COL5A3: variants seen among roughly 807,000 people sequenced by gnomAD.
COL5A3 encodes the protein collagen alpha-3(V) chain.
COL5A3 carries 172 observed loss-of-function variants against 250.0 expected under a neutral mutation model. The observed-to-expected ratio is 0.69, with a 90% CI of 0.61 to 0.78. COL5A3 has a LOEUF of 0.78. COL5A3 is among the 30% of genes least tolerant of loss of function. The pLI is 0.00. For missense variants in COL5A3, 2,340 were observed against 2,334.4 expected, an observed-to-expected ratio of 1.00 and a Z score of -0.05; for synonymous variants, 937 against 900.4, an observed-to-expected ratio of 1.04 and a Z score of -0.73.
chr19:9,979,020 G>A (rs748767772), intron 39 of COL5A3, 40 bp from the exon 40 acceptor site: 13 of 1,503,390 alleles, frequency 8.6e-6, no homozygotes, highest in Non-Finnish European at 9.8e-6. Flanking sequence ...CTCCAGGGAG[G>A]GGATGTCTCC....
At chr19:9,962,141 C>G (rs917737796) in intron 65 of COL5A3, among the ~76,000 whole-genome samples, 1 of 151,152 alleles carries the variant, frequency 6.6e-6, no homozygotes. Context: ...GAATCTCGCT[C>G]TGTTGCCCAG....
intron 1 of COL5A3, among the ~76,000 whole-genome samples, chr19:10,008,299 G>T (rs2087471117): frequency 6.6e-6 from 1 of 152,296 alleles, no homozygotes; most frequent in Admixed American, 6.5e-5. Context: ...GTCCTTCCCG[G>T]CATCCAACTC....
chr19:9,985,031 C>A (rs1234411141), intron 31 of COL5A3, among the ~76,000 whole-genome samples: 2 of 148,072 alleles, frequency 1.4e-5, no homozygotes, highest in Non-Finnish European at 3.0e-5. Flanking sequence ...TCACTGCAAC[C>A]TCTGCCTCCT....
In COL5A3 at chr19:9,959,874, C is replaced by A; in HGVS notation, c.*537G>T. Reference sequence around the variant, plus strand: ...AGCTGGGCTGAGGCAGGAAAAGAAACACAACCCAGTCAAGGGAAGTCCCTC... The same window carrying A: ...AGCTGGGCTGAGGCAGGAAAAGAAAAACAACCCAGTCAAGGGAAGTCCCTC... On this transcript the variant is annotated 3_prime_UTR_variant, in exon 67 of 67. Transcript: ENST00000264828. 1 of 154,594 alleles carries A rather than the reference C, an allele frequency of 6.5e-6. No individual in the cohort carries two copies. The highest frequency in any genetic ancestry group is 1.4e-5 in the Non-Finnish European group (1 of 69,352). 9.6% of individuals were successfully genotyped at this position (154,594 alleles called of 1,614,324 possible). A position where few individuals can be genotyped will look rare whatever the true frequency, so the allele number is the denominator to read the frequency against.
intron 65 of COL5A3, 56 bp from the exon 66 acceptor site, chr19:9,960,946 G>T: frequency 1.3e-6 from 2 of 1,586,288 alleles, no homozygotes; most frequent in Non-Finnish European, 1.7e-6. Context: ...TCTTTCTGCA[G>T]AAGCCACCCC....
Position 10,001,519 on chromosome 19 carries a change from C to T in COL5A3, c.1110+5G>A. The T allele has an allele frequency of 6.2e-7, 1 of 1,613,622 alleles. No homozygotes were observed. On this transcript the variant is annotated splice_donor_5th_base_variant and intron_variant, in intron 8 of 66. Coordinates refer to ENST00000264828, the MANE Select transcript of COL5A3 (RefSeq NM_015719.4). Reference sequence around the variant, plus strand: ...GCACCTAACCCCAGCCACCTAGAAACTCACAGGAAAGATCTGGAACTGAGT... The same window carrying T: ...GCACCTAACCCCAGCCACCTAGAAATTCACAGGAAAGATCTGGAACTGAGT...
At chr19:9,995,925 T>A in intron 15 of COL5A3, 141 bp downstream of exon 15, 2 of 890,510 alleles carry the variant, frequency 2.2e-6, no homozygotes, top group Non-Finnish European at 3.4e-6. Context: ...ATTCCAGATG[T>A]GAGCCACCAT....
chr19:10,007,228 C>A (rs2087456564), intron 1 of COL5A3, among the ~76,000 whole-genome samples: 1 of 151,854 alleles, frequency 6.6e-6, no homozygotes, highest in Non-Finnish European at 1.5e-5. Flanking sequence ...CCCTTCTGAT[C>A]AACTCCCTCT....
intron 28 of COL5A3, 31 bp from the exon 29 acceptor site, chr19:9,986,637 G>C (rs1352147472): frequency 6.2e-7 from 1 of 1,613,604 alleles, no homozygotes; most frequent in African/African-American, 1.3e-5. Flanking sequence ...CCAGAAGTGA[G>C]GGCCTCGGGG....
intron 24 of COL5A3, among the ~76,000 whole-genome samples, chr19:9,991,124 C>A (rs1384837195): frequency 6.6e-6 from 1 of 152,144 alleles, no homozygotes; most frequent in African/African-American, 2.4e-5. Context: ...CGCTGATAGT[C>A]CCAGCTACTC....
Position 9,968,076 on chromosome 19 carries a change from G to C in COL5A3, c.4318C>G (p.Pro1440Ala). ...GPPGPKGDPG[P>A]PGPIGSLGHP... is the part of the protein sequence containing the mutation. ...CCCAGAGAGCCAATGGGACCAGGGGGACCCTAGGAAAAGGACATCGGGTCA... is the reference window on the plus strand; with the variant it reads ...CCCAGAGAGCCAATGGGACCAGGGGCACCCTAGGAAAAGGACATCGGGTCA... The change falls in exon 60 of 67, where the codon CCC becomes GCC. Residue 1440 changes from proline (P) to alanine (A), a missense_variant. Pro to Ala is a conservative substitution (Grantham distance 27). Around this residue, in one of 3 missense-constraint regions of COL5A3, gnomAD observed 1,179 missense variants for 1,162.6 expected, o/e 1.01. Coordinates refer to ENST00000264828, the MANE Select transcript of COL5A3 (RefSeq NM_015719.4). The surrounding 1 kb of genome is among the most constrained non-coding windows in gnomAD (Gnocchi z 4.1). 1 of 1,588,064 alleles carries C rather than the reference G, an allele frequency of 6.3e-7. No individual in the cohort carries two copies. The highest frequency in any genetic ancestry group is 8.5e-7 in the Non-Finnish European group (1 of 1,173,344).
Position 9,996,896 on chromosome 19 carries a change from G to C in COL5A3, c.1264-207C>G, listed in dbSNP as rs8104251. On this transcript the variant is annotated intron_variant, in intron 11 of 66. Coordinates refer to ENST00000264828, the MANE Select transcript of COL5A3 (RefSeq NM_015719.4). ...AAGACAGAGATGGAACAGAGACAAA[G>C]AGAAGGGGAGAGAGGGATGGAGAAG... The C allele has an allele frequency of 0.24, 133,465 of 567,156 alleles. 19,178 individuals are homozygous for C. Among genetic ancestry groups the C allele is most frequent in the African/African-American group, 0.54 (27,704 of 51,606 alleles). 35.1% of individuals were successfully genotyped at this position (567,156 alleles called of 1,614,324 possible). A position where few individuals can be genotyped will look rare whatever the true frequency, so the allele number is the denominator to read the frequency against.
At chr19:9,970,915 A>AGTGC in intron 53 of COL5A3, 60 bp downstream of exon 53, 1 of 1,130,336 alleles carries the variant, frequency 8.8e-7, no homozygotes, top group Non-Finnish European at 1.3e-6. Flanking sequence ...CCCCCAATTC[A>AGTGC]CTCACTCATT....
chr19:9,976,553 C>T lies in COL5A3; in HGVS notation c.3342+5G>A. On this transcript the variant is annotated splice_donor_5th_base_variant and intron_variant, in intron 45 of 66. Coordinates refer to ENST00000264828, the MANE Select transcript of COL5A3 (RefSeq NM_015719.4). ...GAGAAGGACTGAAAAGATGGGGGCA[C>T]TCACCGGGGGACCTGGGTGTCCTGC... 1 of 1,564,780 alleles carries T rather than the reference C, an allele frequency of 6.4e-7. No homozygotes were observed. Among genetic ancestry groups the T allele is most frequent in the Non-Finnish European group, 8.6e-7 (1 of 1,162,472 alleles).
At chr19:10,003,999 G>A (rs1366225205) in intron 5 of COL5A3, 42 bp downstream of exon 5, 11 of 1,479,830 alleles carry the variant, frequency 7.4e-6, no homozygotes, top group Non-Finnish European at 9.5e-6. Context: ...GAAGGACCCA[G>A]CCTGTGTCCT....
Position 9,969,586 on chromosome 19 carries a change from G to A in COL5A3, c.4087C>T (p.Pro1363Ser). 2 of 1,610,728 alleles carry A rather than the reference G, an allele frequency of 1.2e-6. No individual in the cohort carries two copies. The highest frequency in any genetic ancestry group is 1.1e-5 in the South Asian group (1 of 90,814). The stretch of plus-strand genomic sequence containing the variant: ...CCCGCTCCACTCACCACAGGGCCAG[G>A]GATCCCTCGAAGACCCTCAGGCCCC... ...RVGPEGLRGIPGPVGEPGLLG... is the reference protein window; with the variant it reads ...RVGPEGLRGISGPVGEPGLLG... Residue 1363 changes from proline to serine, a missense_variant, in exon 56 of 67, where the codon CCT becomes TCT. This residue lies in a region of COL5A3 where 1,179 missense variants were observed against 1,162.6 expected (regional missense o/e 1.01). Transcript: ENST00000264828.
intron 8 of COL5A3, among the ~76,000 whole-genome samples, chr19:9,998,905 G>A (rs1184421630): frequency 6.6e-5 from 10 of 151,778 alleles, no homozygotes; most frequent in South Asian, 2.1e-4. Flanking sequence ...GGCTGGTCTC[G>A]AACTCCTGAC....
At position 9,971,158 on chromosome 19, in the gene COL5A3, G is replaced by A. The variant is rs897239177; in HGVS notation, c.3828+47C>T. The A allele has an allele frequency of 2.7e-6, 4 of 1,482,466 alleles. No homozygotes were observed. The African/African-American group carries it at 5.8e-5, about 22-fold the overall frequency. 91.8% of individuals were successfully genotyped at this position (1,482,466 alleles called of 1,614,324 possible). A position where few individuals can be genotyped will look rare whatever the true frequency, so the allele number is the denominator to read the frequency against. ...AGGTCTGTGGGGGTAGGGAGATGGG[G>A]ACAGAATTAGGAAATATGCCAGGAT... On this transcript the variant is annotated intron_variant, in intron 52 of 66. Transcript: ENST00000264828.
rs144500076 is a variant in COL5A3, at chr19:9,996,502, G to A, written c.1353C>T (p.Gly451=). The A allele has an allele frequency of 1.7e-5, 27 of 1,613,992 alleles. No homozygotes were observed. Among genetic ancestry groups the A allele is most frequent in the South Asian group, 6.6e-5 (6 of 91,086 alleles). Residue 451 remains glycine (G), a synonymous_variant, in exon 13 of 67, where the codon GGC becomes GGT. Transcript: ENST00000264828. ...TVIMMPFQFA[G]GSFKGPPVSF... is the part of the protein sequence containing the mutation. Reference sequence around the variant, plus strand: ...AGACTGGGGGGCCTTTAAAGGAGCCGCCTGCAAACTGGAACTGGGAGGAAT... The same window carrying A: ...AGACTGGGGGGCCTTTAAAGGAGCCACCTGCAAACTGGAACTGGGAGGAAT...
Sources: allele counts gnomAD v4.1 joint callset (sites outside exome capture counted in the v4.1 genomes callset), GRCh38; gene constraint gnomAD v4.1.1; regional missense constraint gnomAD v4.1.1; non-coding constraint Gnocchi (gnomAD v3.1); transcripts MANE v1.5; gene names NCBI Gene and HGNC (gene_info 2026-07-23, HGNC 2026-07-21).